The following PDXDC1 variants were observed in gnomAD, a reference collection of about 807,000 sequenced individuals.
PDXDC1 encodes the protein pyridoxal dependent decarboxylase domain containing 1.
A neutral mutation model predicts 100.1 loss-of-function variants in PDXDC1; 42 were observed. That is an observed-to-expected ratio of 0.42 (90% CI 0.33 to 0.54). The LOEUF (loss-of-function observed/expected upper bound fraction) is 0.54, where lower values mean the gene tolerates loss of function less well. PDXDC1 is among the 20% of genes least tolerant of loss of function. PDXDC1 has a pLI of 0.10. For missense variants in PDXDC1, 636 were observed against 979.2 expected (o/e 0.65, Z 4.68); for synonymous variants, 260 against 371.7 (o/e 0.70, Z 3.46).
At chr16:15,030,978 G>C (rs1467973049) in intron 16 of PDXDC1, among the ~76,000 whole-genome samples, 1 of 151,216 alleles carries the variant, frequency 6.6e-6, no homozygotes, top group Non-Finnish European at 1.5e-5. Flanking sequence ...TTAGAAACAG[G>C]GTCTCATTTG....
the PDXDC1 span, among the ~76,000 whole-genome samples, chr16:15,150,317 G>C: frequency 6.6e-6 from 1 of 150,550 alleles, no homozygotes; most frequent in Non-Finnish European, 1.5e-5. Flanking sequence ...CTCCAGCCTG[G>C]GCAACAGAGT....
At chr16:15,103,458 AAGTCTCT>A (rs2046638203) in intron 16 of PDXDC1, 2 of 631,942 alleles carry the variant, frequency 3.2e-6, no homozygotes, top group Non-Finnish European at 5.6e-6. Context: ...CACTGCTTCC[AAGTCTCT>A]ATAGACCACC....
intron 16 of PDXDC1, chr16:15,135,171 G>C (rs1033958954): frequency 5.9e-5 from 51 of 858,294 alleles, no homozygotes; most frequent in Non-Finnish European, 8.8e-5. Flanking sequence ...ATCAGAAACA[G>C]AGAGGGAAGA....
chr16:15,058,493 G>A (rs750587203), intron 16 of PDXDC1, among the ~76,000 whole-genome samples: 2 of 152,190 alleles, frequency 1.3e-5, no homozygotes, highest in African/African-American at 2.4e-5. Context: ...TTGGGAGGCC[G>A]AGGCGGACAG....
At chr16:15,071,366 C>T (rs1463465909) in intron 16 of PDXDC1, 2 of 959,134 alleles carry the variant, frequency 2.1e-6, no homozygotes, top group African/African-American at 3.3e-5. Context: ...TATCTCATAA[C>T]TATCTCATGG....
In PDXDC1 at chr16:15,036,419, A is replaced by G. The variant is rs1434107169; in HGVS notation, c.*144A>G. 2.6e-6 allele frequency: 2 copies of G among 783,338 alleles called. No individual in the cohort carries two copies. Among genetic ancestry groups the G allele is most frequent in the Non-Finnish European group, 4.1e-6 (2 of 490,680 alleles). 48.5% of individuals were successfully genotyped at this position (783,338 alleles called of 1,614,324 possible). ...ATTTTGGCACAAATATGTGCCTGAAAGGTAGGCTTTCTAGGAGGGGAGTCA... is the reference window on the plus strand; with the variant it reads ...ATTTTGGCACAAATATGTGCCTGAAGGGTAGGCTTTCTAGGAGGGGAGTCA... On this transcript the variant is annotated 3_prime_UTR_variant, in exon 23 of 23. Transcript: ENST00000396410.
chr16:15,085,281 T>C (rs2045872907), intron 16 of PDXDC1, among the ~76,000 whole-genome samples: 1 of 152,184 alleles, frequency 6.6e-6, no homozygotes, highest in Non-Finnish European at 1.5e-5. Flanking sequence ...TTGTCATTTG[T>C]TGCAGTCTAC....
chr16:15,119,460 C>G (rs973378394), intron 16 of PDXDC1, among the ~76,000 whole-genome samples: 6 of 149,848 alleles, frequency 4.0e-5, no homozygotes, highest in Admixed American at 3.3e-4. Context: ...ACTCAGTCGC[C>G]CAGGCTGGAG....
chr16:14,982,708 TC>T (rs1400299266), intron 1 of PDXDC1, among the ~76,000 whole-genome samples: 2 of 152,296 alleles, frequency 1.3e-5, no homozygotes, highest in African/African-American at 4.8e-5. Flanking sequence ...ATTCCTGTCC[TC>T]TTCTCTCATC....
At chr16:14,999,091 A>G (rs1238484182) in intron 3 of PDXDC1, among the ~76,000 whole-genome samples, 8 of 152,262 alleles carry the variant, frequency 5.3e-5, no homozygotes, top group Non-Finnish European at 7.3e-5. Context: ...ATTTTGAGAC[A>G]GAGTCTCGCT....
intron 16 of PDXDC1, among the ~76,000 whole-genome samples, chr16:15,064,905 G>A (rs1439845194): frequency 4.6e-5 from 7 of 152,076 alleles, no homozygotes; most frequent in African/African-American, 1.2e-4. Flanking sequence ...GGTGGCTCAC[G>A]CCTGTAATCC....
intron 16 of PDXDC1, chr16:15,135,983 C>T (rs1262927756): frequency 1.1e-4 from 171 of 1,562,066 alleles, no homozygotes; most frequent in Non-Finnish European, 1.3e-4. Context: ...CTGGTGGGCC[C>T]GAGCCAGATG....
At chr16:15,143,268 G>A (rs910506691), downstream of PDXDC1, among the ~76,000 whole-genome samples, 14 of 152,178 alleles carry the variant, frequency 9.2e-5, no homozygotes, top group East Asian at 1.9e-3. Context: ...GCCACAGTAC[G>A]GGTCTTCACC....
At chr16:14,976,188 T>G (rs1480547787) in intron 1 of PDXDC1, among the ~76,000 whole-genome samples, 2 of 152,284 alleles carry the variant, frequency 1.3e-5, no homozygotes, top group Non-Finnish European at 2.9e-5. Context: ...AAAGCCCTTC[T>G]GTCTGTTCCA....
At chr16:15,127,083 C>T (rs941977212) in intron 16 of PDXDC1, 27 of 354,590 alleles carry the variant, frequency 7.6e-5, no homozygotes, top group Admixed American at 2.6e-4. Context: ...CCACCACACC[C>T]GGCCCGGCCA....
intron 6 of PDXDC1, among the ~76,000 whole-genome samples, chr16:15,007,348 T>A (rs576979235): frequency 1.3e-5 from 2 of 152,072 alleles, no homozygotes; most frequent in Non-Finnish European, 2.9e-5. Flanking sequence ...TTTTTTTGTA[T>A]TTTTTTTAGT....
At chr16:14,981,675 C>T (rs538012822) in intron 1 of PDXDC1, among the ~76,000 whole-genome samples, 452 of 152,230 alleles carry the variant, frequency 3.0e-3, no homozygotes, top group African/African-American at 0.01. Flanking sequence ...TTTTGGAACA[C>T]GGAGTTGGAT....
chr16:14,981,206 C>T (rs536189296), intron 1 of PDXDC1, among the ~76,000 whole-genome samples: 1 of 152,406 alleles, frequency 6.6e-6, no homozygotes, highest in South Asian at 2.1e-4. Flanking sequence ...CAAACCTTTA[C>T]TTTACGAGTG....
rs769369543 is a variant in PDXDC1, at chr16:15,130,678, G to A, written c.1400-8201G>A. On this transcript the variant is annotated intron_variant, in intron 16 of 16. Coordinates refer to the PDXDC1 transcript ENST00000535621. ...GTGTAGGGCCGGTGGTCGGCACCCT[G>A]GAGGGACTCTGGGCGGATCCTCCTG... The A allele has an allele frequency of 4.2e-6, 6 of 1,424,920 alleles. No homozygotes were observed. The East Asian group carries it at 1.4e-4, about 34-fold the overall frequency. The allele number at this position is 1,424,920 out of a possible 1,614,324, so 88.3% of individuals were successfully genotyped here.
Sources: gnomAD v4.1 joint callset for allele counts (sites outside exome capture counted in the v4.1 genomes callset) on GRCh38, gnomAD v4.1.1 for gene constraint, MANE v1.5 for transcripts, NCBI Gene and HGNC (gene_info 2026-07-23, HGNC 2026-07-21) for gene names.